The following LRP4 variants were observed in gnomAD, a reference collection of about 807,000 sequenced individuals.
The protein encoded by LRP4 is low-density lipoprotein receptor-related protein 4.
LRP4 carries 95 observed loss-of-function variants against 220.3 expected under a neutral mutation model. The ratio of observed to expected loss-of-function variants is 0.43; its 90% CI spans 0.37 to 0.51. The LOEUF (loss-of-function observed/expected upper bound fraction) is 0.51. Among genes scored for constraint, LRP4 ranks in the 20% least tolerant of loss-of-function variants. LRP4 has a pLI of 0.00. For missense variants in LRP4, 1,925 were observed against 2,567.0 expected (o/e 0.75, Z 5.40); for synonymous variants, 903 against 954.6 (o/e 0.95, Z 1.00).
chr11:46,860,842 C>T (rs1024810884), intron 37 of LRP4: 39 of 349,660 alleles, frequency 1.1e-4, no homozygotes, highest in East Asian at 1.7e-4. Flanking sequence ...TTAAGAGACA[C>T]GCTGGGTAAG....
chr11:46,871,712 C>T, intron 30 of LRP4, 79 bp from the exon 31 acceptor site: 1 of 947,804 alleles, frequency 1.1e-6, no homozygotes. Flanking sequence ...ACCTGTTTGT[C>T]CCCTCCTGAG....
chr11:46,918,193 G>C lies in LRP4; in HGVS notation c.52+135C>G, dbSNP rs778285235. The C allele has an allele frequency of 1.0e-6, 1 of 960,796 alleles. No homozygotes were observed. The highest frequency in any genetic ancestry group is 1.5e-6 in the Non-Finnish European group (1 of 663,078). The allele number at this position is 960,796 out of a possible 1,614,324, so 59.5% of individuals were successfully genotyped here. A position where few individuals can be genotyped will look rare whatever the true frequency, so the allele number is the denominator to read the frequency against. ...GGGGCCGCTCCGGGTCCTCTCCCCT[G>C]CACGCAGCCCCAGGGCCACGGCTAG... On this transcript the variant is annotated intron_variant, in intron 1 of 37. Coordinates refer to ENST00000378623, the MANE Select transcript of LRP4 (RefSeq NM_002334.4). The surrounding 1 kb of genome is among the most constrained non-coding windows in gnomAD (Gnocchi z 6.0).
Position 46,893,053 on chromosome 11 carries a change from A to C in LRP4, c.1617T>G (p.Asn539Lys). The C allele has an allele frequency of 6.2e-7, 1 of 1,614,084 alleles. No individual in the cohort carries two copies. The highest frequency in any genetic ancestry group is 8.5e-7 in the Non-Finnish European group (1 of 1,180,000). ...DSGTSRIEVANLDGAHRKVLL... is the reference protein window; with the variant it reads ...DSGTSRIEVAKLDGAHRKVLL... ...ACACTTTCCGGTGGGCCCCATCCAGATTGGCCACCTCAATCCTCGAGGTGC... is the reference window on the plus strand; with the variant it reads ...ACACTTTCCGGTGGGCCCCATCCAGCTTGGCCACCTCAATCCTCGAGGTGC... The change falls in exon 13 of 38, where the codon AAT becomes AAG. Residue 539 changes from asparagine (N) to lysine (K), a missense_variant. This residue lies in a region of LRP4 where 269 missense variants were observed against 436.7 expected (regional missense o/e 0.62). Coordinates refer to ENST00000378623, the MANE Select transcript of LRP4 (RefSeq NM_002334.4).
chr11:46,897,813 T>C (rs1162717027), intron 7 of LRP4, among the ~76,000 whole-genome samples: 1 of 152,262 alleles, frequency 6.6e-6, no homozygotes, highest in Non-Finnish European at 1.5e-5. Flanking sequence ...TTCTCAATCT[T>C]TTCCCCACCT....
chr11:46,896,013 G>T lies in LRP4; in HGVS notation c.1054C>A (p.Arg352=), dbSNP rs148456240. The change falls in exon 10 of 38, where the codon CGG becomes AGG. Residue 352 remains arginine (R), a synonymous_variant. Coordinates refer to ENST00000378623, the MANE Select transcript of LRP4 (RefSeq NM_002334.4). ...DESPQQNCRP[R]TGEENCNVNN... ...ACATTGCAGTTCTCCTCACCCGTCC[G>T]GGGCCCTGTGCCAGCCAAGCCAGAG... The T allele has an allele frequency of 6.2e-7, 1 of 1,614,026 alleles. No individual in the cohort carries two copies. The highest frequency in any genetic ancestry group is 8.5e-7 in the Non-Finnish European group (1 of 1,180,030).
In LRP4 at chr11:46,875,108, T is replaced by G. The variant is rs773461039; in HGVS notation, c.3926-5A>C. ...TCGAGCCGCACTTGTTAAAACCTGG[T>G]GATGAGAAGCACAAGTATTCACACC... On this transcript the variant is annotated splice_polypyrimidine_tract_variant and splice_region_variant and intron_variant, in intron 27 of 37. Transcript: ENST00000378623. The surrounding 1 kb of genome is among the most constrained non-coding windows in gnomAD (Gnocchi z 4.5). 1.9e-6 allele frequency: 3 copies of G among 1,611,594 alleles called. No individual in the cohort carries two copies. Among genetic ancestry groups the G allele is most frequent in the Non-Finnish European group, 1.7e-6 (2 of 1,179,964 alleles).
intron 36 of LRP4, among the ~76,000 whole-genome samples, 176 bp downstream of exon 36, chr11:46,864,271 TG>T (rs1415957257): frequency 6.6e-6 from 1 of 152,238 alleles, no homozygotes; most frequent in Non-Finnish European, 1.5e-5. Flanking sequence ...AGGCTGTGAC[TG>T]GAGAAGAGTA....
intron 37 of LRP4, among the ~76,000 whole-genome samples, chr11:46,861,395 T>C (rs76269497): frequency 6.6e-6 from 1 of 152,066 alleles, no homozygotes; most frequent in African/African-American, 2.4e-5. Flanking sequence ...AGAAGTAGAC[T>C]GATGAGGATC....
At position 46,899,396 on chromosome 11, in the gene LRP4, C is replaced by T. The variant is rs763340602; in HGVS notation, c.538G>A (p.Glu180Lys). The T allele has an allele frequency of 1.2e-6, 2 of 1,613,424 alleles. No individual in the cohort carries two copies. The highest frequency in any genetic ancestry group is 4.5e-5 in the East Asian group (2 of 44,886). Residue 180 changes from glutamate (E) to lysine (K), a missense_variant, in exon 5 of 38, where the codon GAG becomes AAG. Physicochemically the swap from Glu to Lys is moderately conservative, Grantham distance 56. Transcript: ENST00000378623. The surrounding 1 kb of genome is among the most constrained non-coding windows in gnomAD (Gnocchi z 5.9). The stretch of plus-strand genomic sequence containing the variant: ...GTCTGGGGCCACTCACGACAGTTCT[C>T]CTCATCGGAGCCATCTTTGCAGTCG... ...DTDCKDGSDE[E>K]NCPSAVPAPP...
chr11:46,906,476 A>C (rs1941762647), intron 1 of LRP4, among the ~76,000 whole-genome samples: 1 of 152,034 alleles, frequency 6.6e-6, no homozygotes, highest in Admixed American at 6.6e-5. Flanking sequence ...AAAAGCAACA[A>C]AGATTAGACA....
intron 37 of LRP4, among the ~76,000 whole-genome samples, chr11:46,859,553 C>A (rs1324450972): frequency 1.3e-5 from 2 of 152,156 alleles, no homozygotes; most frequent in Non-Finnish European, 2.9e-5. Context: ...GGCTTCCGGT[C>A]CTGCAGCAGC....
Position 46,883,479 on chromosome 11 carries a change from A to C in LRP4, c.2612+392T>G, listed in dbSNP as rs529109928. Among the ~76,000 whole-genome samples the C allele has an allele frequency of 2.6e-5, 4 of 152,304 alleles. 1 individual carries two copies. Among genetic ancestry groups the C allele is most frequent in the Admixed American group, 2.6e-4 (4 of 15,302 alleles). On this transcript the variant is annotated intron_variant, in intron 19 of 37. Coordinates refer to ENST00000378623, the MANE Select transcript of LRP4 (RefSeq NM_002334.4). The stretch of plus-strand genomic sequence containing the variant: ...CTGCTGCATTTAACTAGCCCAACCT[A>C]TTTCTTTAATTCGGCCCACCCCTTC...
intron 30 of LRP4, among the ~76,000 whole-genome samples, chr11:46,871,946 A>C (rs570045920): frequency 6.6e-6 from 1 of 152,258 alleles, no homozygotes; most frequent in South Asian, 2.1e-4. Context: ...CCAATTTCTT[A>C]CAAATGGTCT....
Position 46,896,191 on chromosome 11 carries a change from G to T in LRP4, c.1048+19C>A, listed in dbSNP as rs1156689056. On this transcript the variant is annotated intron_variant, in intron 9 of 37. Transcript: ENST00000378623. Reference sequence around the variant, plus strand: ...CGGCCACAAACCATGGGCCAGGTCCGCCCACTGGGGACACTCACGGCAATT... The same window carrying T: ...CGGCCACAAACCATGGGCCAGGTCCTCCCACTGGGGACACTCACGGCAATT... 5.0e-6 allele frequency: 8 copies of T among 1,613,174 alleles called. No homozygotes were observed. Among genetic ancestry groups the T allele is most frequent in the Non-Finnish European group, 6.8e-6 (8 of 1,179,854 alleles).
chr11:46,885,698 C>T (rs558702438), intron 18 of LRP4, among the ~76,000 whole-genome samples: 1 of 139,706 alleles, frequency 7.2e-6, no homozygotes, highest in East Asian at 2.3e-4. Flanking sequence ...AGCATGAACC[C>T]GGGAGGCGGA....
chr11:46,892,569 C>CT (rs11292441), intron 13 of LRP4, among the ~76,000 whole-genome samples: 22 of 123,686 alleles, frequency 1.8e-4, no homozygotes, highest in Admixed American at 3.3e-4. Flanking sequence ...TAACATCATA[C>CT]TTTTTTTTTT....
rs959867823 is a variant in LRP4 at position 46,873,048 on chromosome 11, C to T, written c.4583+52G>A. On this transcript the variant is annotated intron_variant, in intron 30 of 37. Coordinates refer to ENST00000378623, the MANE Select transcript of LRP4 (RefSeq NM_002334.4). This position sits in a 1 kb window ranked among gnomAD's most constrained non-coding sequence, Gnocchi z 4.2. ...TTTTCCAAGGTTAATCTCAACCATT[C>T]TCTCTTCTGCCCACCCGATTTCCAG... 10 of 1,612,774 alleles carry T rather than the reference C, an allele frequency of 6.2e-6. No individual in the cohort carries two copies. In the South Asian group the frequency reaches 9.9e-5, roughly 16 times the overall value.
intron 37 of LRP4, chr11:46,860,957 A>C (rs1230769470): frequency 1.7e-5 from 17 of 985,188 alleles, no homozygotes. Context: ...CAGAAGAGAA[A>C]AGGTGAAAGA....
intron 1 of LRP4, among the ~76,000 whole-genome samples, chr11:46,915,497 G>T (rs1941934329): frequency 6.6e-6 from 1 of 152,106 alleles, no homozygotes; most frequent in Admixed American, 6.6e-5. Flanking sequence ...AAACCAATAG[G>T]CTCTAGGAAA....
Sources: allele counts gnomAD v4.1 joint callset (sites outside exome capture counted in the v4.1 genomes callset), GRCh38; gene constraint gnomAD v4.1.1; regional missense constraint gnomAD v4.1.1; non-coding constraint Gnocchi (gnomAD v3.1); transcripts MANE v1.5; gene names NCBI Gene and HGNC (gene_info 2026-07-23, HGNC 2026-07-21).